PPP2R5E: variants seen among roughly 807,000 people sequenced by gnomAD.
PPP2R5E encodes serine/threonine-protein phosphatase 2A 56 kDa regulatory subunit epsilon isoform.
Under a neutral mutation model 65.3 loss-of-function variants are expected in PPP2R5E, and 4 were observed. The ratio of observed to expected loss-of-function variants is 0.06; its 90% confidence interval spans 0.03 to 0.14. The LOEUF (loss-of-function observed/expected upper bound fraction) is 0.14, where lower values mean the gene tolerates loss of function less well. Ranked by LOEUF, PPP2R5E falls within the 10% of genes least tolerant of loss-of-function variation. The pLI, the probability that PPP2R5E is intolerant of heterozygous loss-of-function variation, is 1.00. For synonymous variants in PPP2R5E, 183 were observed against 187.4 expected (o/e 0.98, Z 0.19); for missense variants, 274 against 556.1 (o/e 0.49, Z 5.10).
chr14:63,436,998 A>G (rs1887979084), intron 3 of PPP2R5E, among the ~76,000 whole-genome samples: 1 of 152,206 alleles, frequency 6.6e-6, no homozygotes, highest in African/African-American at 2.4e-5. Flanking sequence ...ACAGGTCATA[A>G]AGACCTTACT....
At chr14:63,462,715 T>C (rs1030306623) in intron 2 of PPP2R5E, among the ~76,000 whole-genome samples, 2 of 152,112 alleles carry the variant, frequency 1.3e-5, no homozygotes, top group South Asian at 2.1e-4. Flanking sequence ...GACTAAAGAA[T>C]AGAGGAAAAG....
chr14:63,504,376 G>T (rs1225272941), intron 2 of PPP2R5E, among the ~76,000 whole-genome samples: 1 of 152,190 alleles, frequency 6.6e-6, no homozygotes, highest in African/African-American at 2.4e-5. Flanking sequence ...CAGGTCAGGA[G>T]TTCAAGACCA....
intron 2 of PPP2R5E, among the ~76,000 whole-genome samples, chr14:63,459,379 G>A (rs1234186279): frequency 6.6e-6 from 1 of 152,144 alleles, no homozygotes; most frequent in Non-Finnish European, 1.5e-5. Context: ...TACAGGAATT[G>A]CTTTTGACAC....
At chr14:63,422,276 A>G (rs1157107764) in intron 3 of PPP2R5E, among the ~76,000 whole-genome samples, 182 bp from the exon 4 acceptor site, 1 of 152,174 alleles carries the variant, frequency 6.6e-6, no homozygotes, top group Non-Finnish European at 1.5e-5. Flanking sequence ...GCTGGAAAGT[A>G]GCAAAGCAGC....
chr14:63,400,643 C>T (rs1321263245), intron 5 of PPP2R5E, among the ~76,000 whole-genome samples: 1 of 116,604 alleles, frequency 8.6e-6, no homozygotes, highest in Admixed American at 1.3e-4. Context: ...CAAGTTAATA[C>T]ATTTCCACAG....
chr14:63,404,500 G>A (rs983079691), intron 5 of PPP2R5E, among the ~76,000 whole-genome samples: 1 of 152,154 alleles, frequency 6.6e-6, no homozygotes, highest in Non-Finnish European at 1.5e-5. Flanking sequence ...CAGAGCCAAA[G>A]GTAGTCTGAC....
intron 3 of PPP2R5E, among the ~76,000 whole-genome samples, chr14:63,428,062 C>T (rs749509482): frequency 6.6e-6 from 1 of 152,092 alleles, no homozygotes; most frequent in Non-Finnish European, 1.5e-5. Flanking sequence ...CAGCTCCTTC[C>T]GAGTTTTTTT....
chr14:63,446,828 C>CAAAAA (rs55892835), intron 3 of PPP2R5E, among the ~76,000 whole-genome samples: 46 of 91,994 alleles, frequency 5.0e-4, no homozygotes, highest in South Asian at 7.5e-4. Context: ...GACTCCATCT[C>CAAAAA]AAAAAAAAAA....
chr14:63,523,069 C>T (rs1227652834), intron 2 of PPP2R5E, among the ~76,000 whole-genome samples: 3 of 149,576 alleles, frequency 2.0e-5, no homozygotes, highest in Non-Finnish European at 3.0e-5. Flanking sequence ...CCAGCCGCCC[C>T]GTCCGGGAGG....
At chr14:63,443,335 C>T (rs1164484187) in intron 3 of PPP2R5E, among the ~76,000 whole-genome samples, 1 of 152,110 alleles carries the variant, frequency 6.6e-6, no homozygotes, top group African/African-American at 2.4e-5. Context: ...AGAATTGAAG[C>T]AGACTTTGAA....
At chr14:63,458,511 G>A (rs1889268693) in intron 2 of PPP2R5E, among the ~76,000 whole-genome samples, 2 of 152,122 alleles carry the variant, frequency 1.3e-5, no homozygotes, top group African/African-American at 2.4e-5. Flanking sequence ...TTAAAAATCA[G>A]AACGTTAAAT....
At chr14:63,404,676 G>C (rs550009056) in intron 5 of PPP2R5E, among the ~76,000 whole-genome samples, 1 of 152,148 alleles carries the variant, frequency 6.6e-6, no homozygotes, top group South Asian at 2.1e-4. Context: ...CAAAACTTTC[G>C]AAAGTGTAAG....
chr14:63,384,539 A>G lies in PPP2R5E; in HGVS notation c.1107T>C (p.Asn369=). 6.2e-7 allele frequency: 1 copy of G among 1,613,698 alleles called. No homozygotes were observed. The highest frequency in any genetic ancestry group is 1.3e-5 in the African/African-American group (1 of 75,036). Reference sequence around the variant, plus strand: ...CTTCTATCAAACTCATGATGTATTCATTATTCCAATAATAGAGTGCTCTTT... The same window carrying G: ...CTTCTATCAAACTCATGATGTATTCGTTATTCCAATAATAGAGTGCTCTTT... ...VAERALYYWN[N]EYIMSLIEEN... is the part of the protein sequence containing the mutation. Residue 369 remains asparagine, a synonymous_variant, in exon 12 of 14, where the codon AAT becomes AAC. Coordinates refer to ENST00000337537, the MANE Select transcript of PPP2R5E (RefSeq NM_006246.5).
At chr14:63,532,521 AAATTTCC>A (rs1893478134) in intron 2 of PPP2R5E, among the ~76,000 whole-genome samples, 2 of 152,220 alleles carry the variant, frequency 1.3e-5, no homozygotes. Flanking sequence ...ATTTTCAGAG[AAATTTCC>A]AATTTCCACC....
chr14:63,511,412 T>C (rs1014021469), intron 2 of PPP2R5E, among the ~76,000 whole-genome samples: 2 of 152,130 alleles, frequency 1.3e-5, no homozygotes, highest in Non-Finnish European at 2.9e-5. Context: ...AGTGAGACTA[T>C]CCATCTGACG....
At position 63,376,000 on chromosome 14, in the gene PPP2R5E, T is replaced by C. The variant is rs1255553505; in HGVS notation, c.*9A>G. 4 of 1,554,546 alleles carry C rather than the reference T, an allele frequency of 2.6e-6. No individual in the cohort carries two copies. Among genetic ancestry groups the C allele is most frequent in the Admixed American group, 3.4e-5 (2 of 59,584 alleles). Reference sequence around the variant, plus strand: ...CCACAGGTTAGTAATGTTGTTGTCATTGTTTTTGTTAAGTTGGAATTATTC... The same window carrying C: ...CCACAGGTTAGTAATGTTGTTGTCACTGTTTTTGTTAAGTTGGAATTATTC... On this transcript the variant is annotated 3_prime_UTR_variant, in exon 14 of 14. Coordinates refer to ENST00000337537, the MANE Select transcript of PPP2R5E (RefSeq NM_006246.5).
intron 3 of PPP2R5E, among the ~76,000 whole-genome samples, chr14:63,424,610 G>C (rs995511398): frequency 6.6e-6 from 1 of 152,084 alleles, no homozygotes; most frequent in Non-Finnish European, 1.5e-5. Flanking sequence ...AATTAGCCGG[G>C]TGTGGTGGCG....
At chr14:63,427,582 C>A (rs1887408732) in intron 3 of PPP2R5E, among the ~76,000 whole-genome samples, 1 of 151,806 alleles carries the variant, frequency 6.6e-6, no homozygotes, top group Admixed American at 6.6e-5. Context: ...GAGTTTAAGA[C>A]CAGCCCTGGT....
intron 2 of PPP2R5E, chr14:63,508,112 C>T (rs953521254): frequency 1.2e-5 from 12 of 981,218 alleles, no homozygotes; most frequent in African/African-American, 1.8e-5. Context: ...CCCCCACACA[C>T]ACTTCTACAC....
Sources: gnomAD v4.1 joint callset for allele counts (sites outside exome capture counted in the v4.1 genomes callset) on GRCh38, gnomAD v4.1.1 for gene constraint, MANE v1.5 for transcripts, NCBI Gene and HGNC (gene_info 2026-07-23, HGNC 2026-07-21) for gene names.